Variants in MTG1 observed in about 807,000 individuals in gnomAD.
MTG1 encodes the protein mitochondrial ribosome-associated GTPase 1.
Under a neutral mutation model 39.5 loss-of-function variants are expected in MTG1, and 30 were observed. The ratio of observed to expected loss-of-function variants is 0.76; its 90% CI spans 0.57 to 1.03. The LOEUF is 1.03. Among genes scored for constraint, MTG1 ranks in the 50% least tolerant of loss-of-function variants. MTG1 has a pLI of 0.00. For synonymous variants in MTG1, 217 were observed against 179.0 expected (o/e 1.21, Z -1.69); for missense variants, 513 against 447.4 (o/e 1.15, Z -1.32).
chr10:133,396,004 A>T (rs1415711091), intron 2 of MTG1, among the ~76,000 whole-genome samples, 159 bp from the exon 3 acceptor site: 1 of 152,146 alleles, frequency 6.6e-6, no homozygotes, highest in Non-Finnish European at 1.5e-5. Context: ...AATCCTCTAG[A>T]TGGGCTATGA....
intron 9 of MTG1, among the ~76,000 whole-genome samples, chr10:133,404,973 T>C (rs1389853555): frequency 6.6e-6 from 1 of 152,208 alleles, no homozygotes; most frequent in Non-Finnish European, 1.5e-5. Context: ...CCCACTCTTC[T>C]TTGTCAAAAT....
Position 133,402,803 on chromosome 10 carries a change from G to T in MTG1, c.752+30G>T, listed in dbSNP as rs1490337275. On this transcript the variant is annotated intron_variant, in intron 9 of 10. Coordinates refer to ENST00000317502, the MANE Select transcript of MTG1 (RefSeq NM_138384.4). This position sits in a 1 kb window ranked among gnomAD's most constrained non-coding sequence, Gnocchi z 4.7. Reference sequence around the variant, plus strand: ...GTGCAGTGAATGCAGGGCAGCTGGGGCCCCTCCTCCTAGTCACCTCATTTA... The same window carrying T: ...GTGCAGTGAATGCAGGGCAGCTGGGTCCCCTCCTCCTAGTCACCTCATTTA... The T allele has an allele frequency of 6.5e-7, 1 of 1,530,484 alleles. No individual in the cohort carries two copies. 94.8% of individuals were successfully genotyped at this position (1,530,484 alleles called of 1,614,324 possible). A position where few individuals can be genotyped will look rare whatever the true frequency, so the allele number is the denominator to read the frequency against.
In MTG1 at chr10:133,402,158, C is replaced by T. The variant is rs372489936; in HGVS notation, c.583C>T (p.Arg195Trp). 5.5e-5 allele frequency: 88 copies of T among 1,613,770 alleles called. No homozygotes were observed. The highest frequency in any genetic ancestry group is 2.9e-4 in the East Asian group (13 of 44,874). ...CTCTGTGCCCACACAGGTCTCTGAG[C>T]GGCCCCTGATGTTCCTGTTGGACAC... ...AVMSKIQVSERPLMFLLDTPG... is the reference protein window; with the variant it reads ...AVMSKIQVSEWPLMFLLDTPG... The change falls in exon 8 of 11, where the codon CGG (arginine) becomes TGG (tryptophan). Residue 195 changes from arginine to tryptophan, a missense_variant. Physicochemically the swap from Arg to Trp is moderately radical, Grantham distance 101. Transcript: ENST00000317502. This position sits in a 1 kb window ranked among gnomAD's most constrained non-coding sequence, Gnocchi z 4.7.
rs1850206605 is a variant in MTG1 at position 133,420,099 on chromosome 10, G to T, written c.939G>T (p.Leu313=). The T allele has an allele frequency of 6.2e-7, 1 of 1,613,392 alleles. No individual in the cohort carries two copies. Among genetic ancestry groups the T allele is most frequent in the South Asian group, 1.1e-5 (1 of 91,058 alleles). Residue 313 remains leucine, a synonymous_variant, in exon 11 of 11, where the codon CTG becomes CTT. Transcript: ENST00000317502. The part of the protein sequence containing the change: ...RDFLQTFRRG[L]LGSVMLDLDV... ...TCCTGCAGACTTTCCGCCGTGGGCT[G>T]CTGGGTTCCGTGATGCTGGACCTCG...
At chr10:133,417,224 A>G (rs1389559590) in intron 9 of MTG1, among the ~76,000 whole-genome samples, 1 of 151,858 alleles carries the variant, frequency 6.6e-6, no homozygotes, top group Non-Finnish European at 1.5e-5. Flanking sequence ...CTGGTTCAAT[A>G]TACGCAAATC....
intron 4 of MTG1, 148 bp from the exon 5 acceptor site, chr10:133,399,022 A>G: frequency 1.2e-6 from 1 of 846,456 alleles, no homozygotes; most frequent in Admixed American, 2.2e-5. Flanking sequence ...GTTGGGTAGA[A>G]TTCCAGATAG....
chr10:133,411,552 G>A (rs973935640), intron 9 of MTG1, among the ~76,000 whole-genome samples: 5 of 152,030 alleles, frequency 3.3e-5, no homozygotes, highest in South Asian at 2.1e-4. Context: ...CCTCTTGCTC[G>A]GTTCCTTCTT....
Position 133,399,561 on chromosome 10 carries a change from C to A in MTG1, c.453C>A (p.Val151=), listed in dbSNP as rs371553310. Residue 151 remains valine, a synonymous_variant, in exon 6 of 11, where the codon GTC becomes GTA. Transcript: ENST00000317502. ...NLEYCIMVIG[V]PNVGKSSLIN... ...AGTACTGTATCATGGTCATTGGGGT[C>A]CCCAACGTGGGCAAGTCCTCCCTCA... 1 of 1,614,096 alleles carries A rather than the reference C, an allele frequency of 6.2e-7. No homozygotes were observed. Among genetic ancestry groups the A allele is most frequent in the African/African-American group, 1.3e-5 (1 of 74,938 alleles).
chr10:133,419,687 G>A (rs1186257194), intron 10 of MTG1, 95 bp downstream of exon 10: 13 of 1,045,064 alleles, frequency 1.2e-5, no homozygotes, highest in Admixed American at 4.1e-5. Context: ...AGAGGAACGT[G>A]TCAAGGAGCA....
chr10:133,401,667 G>A (rs1165277275), intron 7 of MTG1, 77 bp downstream of exon 7: 43 of 1,412,496 alleles, frequency 3.0e-5, no homozygotes, highest in Non-Finnish European at 4.0e-5. Flanking sequence ...CCTCTGTGTG[G>A]CTTCCGGCTG....
chr10:133,419,805 G>A (rs548493820), intron 10 of MTG1, among the ~76,000 whole-genome samples: 36 of 152,330 alleles, frequency 2.4e-4, no homozygotes, highest in Admixed American at 9.8e-4. Context: ...GCCCTGCCGC[G>A]TATTGGGCAG....
At chr10:133,400,457 A>G (rs1002633936) in intron 6 of MTG1, among the ~76,000 whole-genome samples, 8 of 152,220 alleles carry the variant, frequency 5.3e-5, no homozygotes, top group Non-Finnish European at 8.8e-5. Context: ...AAGTATTTTC[A>G]AGTTTAATTC....
In MTG1 at chr10:133,402,322, C is replaced by T; in HGVS notation, c.670+77C>T. 1 of 1,555,618 alleles carries T rather than the reference C, an allele frequency of 6.4e-7. No homozygotes were observed. The highest frequency in any genetic ancestry group is 8.8e-7 in the Non-Finnish European group (1 of 1,132,244). ...CCCACCTTTAGGGCTGGCTTTGGCA[C>T]AGGGCCCCTAGACGGGAGTTGTTAC... On this transcript the variant is annotated intron_variant, in intron 8 of 10. Coordinates refer to ENST00000317502, the MANE Select transcript of MTG1 (RefSeq NM_138384.4). The surrounding 1 kb of genome is among the most constrained non-coding windows in gnomAD (Gnocchi z 4.7).
intron 6 of MTG1, among the ~76,000 whole-genome samples, chr10:133,400,762 C>T (rs1849862824): frequency 6.6e-6 from 1 of 152,172 alleles, no homozygotes; most frequent in African/African-American, 2.4e-5. Context: ...AGTCACTCCC[C>T]CAGCCTCCTA....
At position 133,402,455 on chromosome 10, in the gene MTG1, G is replaced by T; in HGVS notation, c.670+210G>T. The T allele has an allele frequency of 1.4e-6, 1 of 699,542 alleles. No individual in the cohort carries two copies. The allele number at this position is 699,542 out of a possible 1,614,324, so 43.3% of individuals were successfully genotyped here. A position where few individuals can be genotyped will look rare whatever the true frequency, so the allele number is the denominator to read the frequency against. On this transcript the variant is annotated intron_variant, in intron 8 of 10. Coordinates refer to ENST00000317502, the MANE Select transcript of MTG1 (RefSeq NM_138384.4). The surrounding 1 kb of genome is among the most constrained non-coding windows in gnomAD (Gnocchi z 4.7). ...ACCATTCCACCCTGCCCCATGAGTG[G>T]CCTTCCCTTTCCCCATTTGACGGAC...
At chr10:133,419,892 C>A (rs1296447111) in intron 10 of MTG1, 134 bp from the exon 11 acceptor site, 1 of 1,121,062 alleles carries the variant, frequency 8.9e-7, no homozygotes, top group Non-Finnish European at 1.3e-6. Context: ...TGTTTTCTTT[C>A]TGAGTGTGAT....
intron 9 of MTG1, among the ~76,000 whole-genome samples, chr10:133,412,394 G>A (rs2133509922): frequency 6.6e-6 from 1 of 152,164 alleles, no homozygotes; most frequent in African/African-American, 2.4e-5. Flanking sequence ...CTTGTATCTT[G>A]TAACCCTGCT....
rs139239160 is a variant in MTG1 at position 133,404,373 on chromosome 10, C to T, written c.752+1600C>T. 4.5e-4 allele frequency among the ~76,000 whole-genome samples: 68 copies of T among 152,142 alleles called. No homozygotes were observed. The Middle Eastern group carries it at 0.014, about 30-fold the overall frequency. On this transcript the variant is annotated intron_variant, in intron 9 of 10. Transcript: ENST00000317502. ...AACTCCTGGGCTCAAGGGATCTGCC[C>T]GCCTCAGCCTCCCAAAGCATTAGGA... is the stretch of plus-strand genomic sequence containing the variant.
intron 1 of MTG1, chr10:133,394,573 C>T (rs1849752640): frequency 7.5e-7 from 1 of 1,326,854 alleles, no homozygotes; most frequent in Non-Finnish European, 9.6e-7. Context: ...AGCCTCGGAC[C>T]CAGGGCCTGC....
Sources: allele counts gnomAD v4.1 joint callset (sites outside exome capture counted in the v4.1 genomes callset), GRCh38; gene constraint gnomAD v4.1.1; non-coding constraint Gnocchi (gnomAD v3.1); transcripts MANE v1.5; gene names NCBI Gene and HGNC (gene_info 2026-07-23, HGNC 2026-07-21).